The following DMXL1 variants were observed in gnomAD, a reference collection of about 807,000 sequenced individuals.
The protein encoded by DMXL1 is Dmx like 1, also known as dmX-like protein 1.
DMXL1 carries 99 observed loss-of-function variants against 319.2 expected under a neutral mutation model. The observed-to-expected ratio is 0.31, with a 90% CI of 0.26 to 0.37. The LOEUF (loss-of-function observed/expected upper bound fraction) is 0.37, where lower values mean the gene tolerates loss of function less well. Ranked by LOEUF, DMXL1 falls within the 10% of genes least tolerant of loss-of-function variation. DMXL1 has a pLI of 1.00. For missense variants in DMXL1, 3,745 were observed against 3,595.6 expected, an observed-to-expected ratio of 1.04 and a Z score of -1.06; for synonymous variants, 1,385 against 1,235.2, an observed-to-expected ratio of 1.12 and a Z score of -2.54.
chr5:119,098,241 T>C, intron 2 of DMXL1, 137 bp downstream of exon 2: 1 of 865,522 alleles, frequency 1.2e-6, no homozygotes, highest in East Asian at 2.8e-5. Flanking sequence ...AATTTTTGGC[T>C]GTCTAAGATG....
In DMXL1 at chr5:119,188,214, G is replaced by A. The variant is rs550777755; in HGVS notation, c.7136-1494G>A. On this transcript the variant is annotated intron_variant, in intron 28 of 43. Transcript: ENST00000539542. The stretch of plus-strand genomic sequence containing the variant: ...GGCAAAAATCTATTAATTTAACATT[G>A]TACGTGTTTTTTTTTCAGAGATTGT... Among the ~76,000 whole-genome samples, 9 of 152,002 alleles carry A rather than the reference G, an allele frequency of 5.9e-5. No homozygotes were observed. The South Asian group carries it at 1.9e-3, about 32-fold the overall frequency.
At chr5:119,181,007 A>G (rs997314307) in intron 28 of DMXL1, among the ~76,000 whole-genome samples, 1 of 152,182 alleles carries the variant, frequency 6.6e-6, no homozygotes, top group Non-Finnish European at 1.5e-5. Context: ...TTTCCTGAGC[A>G]CAGATATGTG....
At position 119,197,854 on chromosome 5, in the gene DMXL1, C is replaced by T; in HGVS notation, c.7643C>T (p.Pro2548Leu). The T allele has an allele frequency of 6.2e-7, 1 of 1,614,182 alleles. No individual in the cohort carries two copies. Among genetic ancestry groups the T allele is most frequent in the Non-Finnish European group, 8.5e-7 (1 of 1,180,012 alleles). The change falls in exon 32 of 44, where the codon CCT (proline) becomes CTT (leucine). Residue 2548 changes from proline to leucine, a missense_variant. By Grantham distance (98) the Pro-to-Leu change is moderately conservative. This residue lies in a region of DMXL1 where 1,382 missense variants were observed against 1,269.5 expected (regional missense o/e 1.09). Transcript: ENST00000539542. ...CGACTTGAAATCCATGGTGGGCCAC[C>T]TCAAAATTATATCGCAAGTCATACC... is the stretch of plus-strand genomic sequence containing the variant. ...LRRLEIHGGP[P>L]QNYIASHTAE...
intron 1 of DMXL1, among the ~76,000 whole-genome samples, chr5:119,082,828 G>A (rs1411883048): frequency 6.6e-6 from 1 of 152,150 alleles, no homozygotes; most frequent in Non-Finnish European, 1.5e-5. Flanking sequence ...CCATCAAACC[G>A]TTTATTAGTT....
At position 119,128,392 on chromosome 5, in the gene DMXL1, A is replaced by G. The variant is rs1227678426; in HGVS notation, c.1103-819A>G. On this transcript the variant is annotated intron_variant, in intron 9 of 43. Transcript: ENST00000539542. ...TTCAGGGTTCTTCCGTTGAGCTACC[A>G]TGCTGCTGTTGATGCTTCTCTCCTC... 2.6e-5 allele frequency: 6 copies of G among 228,724 alleles called. 1 individual carries two copies. The highest frequency in any genetic ancestry group is 2.2e-4 in the Admixed American group (5 of 23,032). The allele number at this position is 228,724 out of a possible 1,614,324, so 14.2% of individuals were successfully genotyped here.
At position 119,170,498 on chromosome 5, in the gene DMXL1, G is replaced by T. The variant is rs760869265; in HGVS notation, c.5707G>T (p.Asp1903Tyr). The change falls in exon 24 of 44, where the codon GAC becomes TAC. Residue 1903 changes from aspartate to tyrosine, a missense_variant. Coordinates refer to ENST00000539542, the MANE Select transcript of DMXL1 (RefSeq NM_001290321.3). ...TTCTAGTTTTCTGGATACTAGTAAA[G>T]ACTGTTCTCCTTCTTCTCCATTAAA... ...RASSFLDTSKDCSPSSPLKLD... is the reference protein window; with the variant it reads ...RASSFLDTSKYCSPSSPLKLD... The T allele has an allele frequency of 6.2e-7, 1 of 1,613,722 alleles. No individual in the cohort carries two copies. Among genetic ancestry groups the T allele is most frequent in the African/African-American group, 1.3e-5 (1 of 74,870 alleles).
At chr5:119,113,477 G>T (rs973540438) in intron 5 of DMXL1, among the ~76,000 whole-genome samples, 1 of 152,200 alleles carries the variant, frequency 6.6e-6, no homozygotes, top group African/African-American at 2.4e-5. Context: ...TCCTGACCTT[G>T]TGGTCTGCCC....
chr5:119,175,078 A>T (rs908326508), intron 25 of DMXL1, among the ~76,000 whole-genome samples, 183 bp from the exon 26 acceptor site: 3 of 152,154 alleles, frequency 2.0e-5, no homozygotes, highest in African/African-American at 4.8e-5. Flanking sequence ...TTTTCTTTAA[A>T]TTTTCTGTAG....
chr5:119,183,223 T>C (rs189684392), intron 28 of DMXL1, among the ~76,000 whole-genome samples: 3 of 152,196 alleles, frequency 2.0e-5, no homozygotes, highest in African/African-American at 7.2e-5. Flanking sequence ...ATAAAACTTG[T>C]GTAAAAACAA....
Position 119,124,202 on chromosome 5 carries a change from C to A in DMXL1, c.1102+3063C>A, listed in dbSNP as rs62374139. ...TGGTGGCAGGCACCTGTAGTCCCAG[C>A]TACTTGGGAGGCTGGGGCAGGAGAA... On this transcript the variant is annotated intron_variant, in intron 9 of 43. Coordinates refer to ENST00000539542, the MANE Select transcript of DMXL1 (RefSeq NM_001290321.3). 4.4e-3 allele frequency among the ~76,000 whole-genome samples: 674 copies of A among 151,496 alleles called. 6 individuals are homozygous for A. The highest frequency in any genetic ancestry group is 0.016 in the African/African-American group (662 of 41,278).
At chr5:119,157,014 G>GT (rs200329608) in intron 19 of DMXL1, among the ~76,000 whole-genome samples, 259 of 142,646 alleles carry the variant, frequency 1.8e-3, no homozygotes, top group Middle Eastern at 3.7e-3. Flanking sequence ...ATCCCCTCTG[G>GT]TTTTTTTTTT....
intron 3 of DMXL1, among the ~76,000 whole-genome samples, chr5:119,102,818 C>T (rs78921770): frequency 4.6e-5 from 7 of 152,068 alleles, no homozygotes; most frequent in East Asian, 1.9e-4. Flanking sequence ...AAAAGCAAAC[C>T]GTCTGAAAGA....
At position 119,246,995 on chromosome 5, in the gene DMXL1, AT is replaced by A; in HGVS notation, c.8926del (p.Trp2976GlyfsTer29). 6.3e-7 allele frequency: 1 copy of A among 1,597,284 alleles called. No homozygotes were observed. Among genetic ancestry groups the A allele is most frequent in the South Asian group, 1.1e-5 (1 of 90,000 alleles). On this transcript the variant is annotated frameshift_variant and splice_region_variant, in exon 44 of 44. Coordinates refer to ENST00000539542, the MANE Select transcript of DMXL1 (RefSeq NM_001290321.3). LOFTEE classifies it high-confidence loss of function. ...VTGSAEGNIK[I>X]WSLSTFGLLH... ...TCCGTTTGTTCTTAATATCTTTCAG[AT>A]TTGGAGTCTCTCTACCTTTGGTCTT...
chr5:119,119,075 G>C, intron 8 of DMXL1, 71 bp downstream of exon 8: 1 of 1,002,860 alleles, frequency 1.0e-6, no homozygotes, highest in East Asian at 2.7e-5. Context: ...TGGTAACACA[G>C]TAATGTTATA....
intron 10 of DMXL1, chr5:119,132,774 G>A (rs1264569099): frequency 1.1e-5 from 6 of 544,166 alleles, no homozygotes; most frequent in African/African-American, 3.8e-5. Context: ...AAAGGTAAAC[G>A]ATTAATTTGA....
At chr5:119,184,958 G>A (rs1777438556) in intron 28 of DMXL1, among the ~76,000 whole-genome samples, 1 of 152,184 alleles carries the variant, frequency 6.6e-6, no homozygotes, top group South Asian at 2.1e-4. Flanking sequence ...CTAGGGCAGT[G>A]ACTTCAGGCT....
At chr5:119,072,629 A>G (rs1021827023) in intron 1 of DMXL1, among the ~76,000 whole-genome samples, 5 of 152,308 alleles carry the variant, frequency 3.3e-5, no homozygotes, top group East Asian at 1.9e-4. Flanking sequence ...TTAAATTTCT[A>G]ATCTTTTTCT....
chr5:119,153,232 C>G (rs1433361994), intron 19 of DMXL1, among the ~76,000 whole-genome samples: 1 of 152,210 alleles, frequency 6.6e-6, no homozygotes, highest in Non-Finnish European at 1.5e-5. Context: ...CTGCCTCGGC[C>G]TCCCAAAGTG....
Position 119,071,453 on chromosome 5 carries a change from C to T in DMXL1, c.-117C>T, listed in dbSNP as rs920788376. On this transcript the variant is annotated 5_prime_UTR_variant, in exon 1 of 44. Transcript: ENST00000539542. ...CTCCGGCTCCAGGCGCCTGTCGCTG[C>T]TTCTGCCGTCGCCACCGAAGAGCGG... 3.9e-6 allele frequency: 4 copies of T among 1,031,030 alleles called. No homozygotes were observed. The highest frequency in any genetic ancestry group is 1.6e-5 in the African/African-American group (1 of 61,244). The allele number at this position is 1,031,030 out of a possible 1,614,324, so 63.9% of individuals were successfully genotyped here.
Sources: allele counts gnomAD v4.1 joint callset (sites outside exome capture counted in the v4.1 genomes callset), GRCh38; gene constraint gnomAD v4.1.1; regional missense constraint gnomAD v4.1.1; transcripts MANE v1.5; gene names NCBI Gene and HGNC (gene_info 2026-07-23, HGNC 2026-07-21).